The following FBXL13 variants were observed in gnomAD, a reference collection of about 807,000 sequenced individuals.
The protein encoded by FBXL13 is F-box and leucine-rich repeat protein 13.
Under a neutral mutation model 83.6 loss-of-function variants are expected in FBXL13, and 67 were observed. The observed-to-expected ratio is 0.80, with a 90% CI of 0.66 to 0.98. The LOEUF (loss-of-function observed/expected upper bound fraction) is 0.98. Among genes scored for constraint, FBXL13 ranks in the 50% least tolerant of loss-of-function variants. The pLI is 0.00. For missense variants in FBXL13, 822 were observed against 866.5 expected (o/e 0.95, Z 0.64); for synonymous variants, 272 against 299.5 (o/e 0.91, Z 0.95).
chr7:102,967,431 CCT>C (rs1826102452), intron 7 of FBXL13, among the ~76,000 whole-genome samples: 1 of 152,166 alleles, frequency 6.6e-6, no homozygotes, highest in Non-Finnish European at 1.5e-5. Context: ...TGCCACCATG[CCT>C]AGCTAATTTT....
intron 14 of FBXL13, among the ~76,000 whole-genome samples, chr7:102,882,546 G>C (rs1364473372): frequency 6.6e-6 from 1 of 152,128 alleles, no homozygotes; most frequent in African/African-American, 2.4e-5. Context: ...TGGATCACTT[G>C]AGGTCAGGAA....
intron 1 of FBXL13, among the ~76,000 whole-genome samples, chr7:103,058,681 G>T (rs1424393643): frequency 6.6e-6 from 1 of 152,180 alleles, no homozygotes; most frequent in Non-Finnish European, 1.5e-5. Context: ...ATAGGGCCTA[G>T]AAACCTGCAT....
chr7:102,915,149 A>T (rs1327077438), intron 10 of FBXL13, among the ~76,000 whole-genome samples: 3 of 135,716 alleles, frequency 2.2e-5, no homozygotes, highest in South Asian at 2.3e-4. Flanking sequence ...TTTTACACTG[A>T]TCAACTGTGG....
At chr7:102,969,500 A>AAG (rs1227576026) in intron 6 of FBXL13, among the ~76,000 whole-genome samples, 1 of 151,728 alleles carries the variant, frequency 6.6e-6, no homozygotes, top group African/African-American at 2.4e-5. Context: ...AAAAAAAGAA[A>AAG]AGAGAGAGAG....
At chr7:102,865,398 T>C (rs984718267) in intron 16 of FBXL13, among the ~76,000 whole-genome samples, 28 of 152,388 alleles carry the variant, frequency 1.8e-4, no homozygotes, top group African/African-American at 6.5e-4. Context: ...TACTGTCATG[T>C]ACAATGTTCT....
intron 11 of FBXL13, among the ~76,000 whole-genome samples, chr7:102,906,260 C>T (rs1181017053): frequency 1.3e-5 from 2 of 152,124 alleles, no homozygotes; most frequent in African/African-American, 2.4e-5. Flanking sequence ...AACTTTGTCC[C>T]CCTGCCCCAC....
intron 16 of FBXL13, among the ~76,000 whole-genome samples, chr7:102,866,428 T>A (rs1204609891): frequency 2.0e-5 from 3 of 152,150 alleles, no homozygotes; most frequent in Non-Finnish European, 2.9e-5. Flanking sequence ...TGAGGAGGAC[T>A]AGGAGAGGTC....
intron 18 of FBXL13, among the ~76,000 whole-genome samples, chr7:102,832,166 A>G (rs1394645405): frequency 6.6e-6 from 1 of 152,166 alleles, no homozygotes; most frequent in Non-Finnish European, 1.5e-5. Context: ...ATGTAGTCCA[A>G]ATTTTTCATA....
chr7:102,933,482 C>A (rs950451902), intron 8 of FBXL13: 1 of 153,056 alleles, frequency 6.5e-6, no homozygotes, highest in African/African-American at 2.4e-5. Flanking sequence ...GCATCTTATG[C>A]GCATGAGCCT....
chr7:103,008,025 A>G (rs958758865), intron 6 of FBXL13, among the ~76,000 whole-genome samples: 1 of 152,216 alleles, frequency 6.6e-6, no homozygotes, highest in Admixed American at 6.5e-5. Flanking sequence ...TTGGAGCCCA[A>G]GGCTGGTGAT....
chr7:103,019,879 G>A lies in FBXL13; in HGVS notation c.495+5184C>T, dbSNP rs186640856. 3.5e-4 allele frequency among the ~76,000 whole-genome samples: 54 copies of A among 152,180 alleles called. No individual in the cohort carries two copies. The East Asian group carries it at 8.3e-3, about 23-fold the overall frequency. ...GCCAGGACCAGATAGATTCACAGCC[G>A]AATTCTACCAGAGGTACAAGGAGGA... On this transcript the variant is annotated intron_variant, in intron 6 of 19. Transcript: ENST00000313221.
intron 1 of FBXL13, among the ~76,000 whole-genome samples, chr7:103,063,245 GA>G (rs1157558181): frequency 6.6e-6 from 1 of 151,840 alleles, no homozygotes; most frequent in Non-Finnish European, 1.5e-5. Flanking sequence ...AAAAATATTT[GA>G]AAAAAAGTTT....
intron 6 of FBXL13, among the ~76,000 whole-genome samples, chr7:102,975,504 T>G (rs1229782248): frequency 1.3e-5 from 2 of 152,200 alleles, no homozygotes; most frequent in Non-Finnish European, 2.9e-5. Flanking sequence ...ATGGGGCCTC[T>G]GGACGCTGCT....
At chr7:102,937,128 CT>C in intron 8 of FBXL13, among the ~76,000 whole-genome samples, 1 of 152,056 alleles carries the variant, frequency 6.6e-6, no homozygotes, top group Admixed American at 6.5e-5. Context: ...ATATGTAACA[CT>C]GGGTCATCAA....
chr7:102,877,569 A>C (rs1218402343), exon 16 of FBXL13: 3 of 1,609,196 alleles, frequency 1.9e-6, no homozygotes. Flanking sequence ...AATTTCGTAA[A>C]CTCAAGTAGT....
chr7:102,973,621 G>A (rs764780599), intron 6 of FBXL13: 41 of 766,056 alleles, frequency 5.4e-5, no homozygotes, highest in Admixed American at 8.5e-5. Flanking sequence ...CTTTCATCTG[G>A]TGCCGAAACC....
intron 2 of FBXL13, among the ~76,000 whole-genome samples, chr7:103,045,350 TAG>T (rs1796165931): frequency 6.6e-6 from 1 of 152,234 alleles, no homozygotes; most frequent in Non-Finnish European, 1.5e-5. Flanking sequence ...GACTCAAATA[TAG>T]AAACAGGGAA....
chr7:102,819,624 A>G (rs1048530207), intron 19 of FBXL13, among the ~76,000 whole-genome samples: 1 of 152,198 alleles, frequency 6.6e-6, no homozygotes, highest in African/African-American at 2.4e-5. Flanking sequence ...TTTCATGTTC[A>G]AAATGGAATC....
intron 10 of FBXL13, among the ~76,000 whole-genome samples, chr7:102,915,959 T>G (rs1257610179): frequency 6.6e-6 from 1 of 152,136 alleles, no homozygotes; most frequent in East Asian, 1.9e-4. Flanking sequence ...CAATTACAGT[T>G]AATAAAAGTA....
Sources: allele counts gnomAD v4.1 joint callset (sites outside exome capture counted in the v4.1 genomes callset), GRCh38; gene constraint gnomAD v4.1.1; transcripts MANE v1.5; gene names NCBI Gene and HGNC (gene_info 2026-07-23, HGNC 2026-07-21).